The following ERAP1 variants were observed in gnomAD, a reference collection of about 807,000 sequenced individuals.
ERAP1 encodes the protein adipocyte-derived leucine aminopeptidase.
Under a neutral mutation model 103.7 loss-of-function variants are expected in ERAP1, and 86 were observed. The observed-to-expected ratio is 0.83, with a 90% CI of 0.70 to 0.99. ERAP1 has a LOEUF of 0.99. Ranked by LOEUF, ERAP1 falls within the 50% of genes least tolerant of loss-of-function variation. The probability of loss-of-function intolerance (pLI) is 0.00; values close to 1 mark genes in which losing one functional copy is unlikely to be tolerated. For synonymous variants in ERAP1, 398 were observed against 402.4 expected, an observed-to-expected ratio of 0.99 and a Z score of 0.13; for missense variants, 1,009 against 1,128.4, an observed-to-expected ratio of 0.89 and a Z score of 1.52.
At chr5:96,773,062 G>A (rs1773033316), downstream of ERAP1, 1 of 153,824 alleles carries the variant, frequency 6.5e-6, no homozygotes, top group Admixed American at 6.5e-5. Flanking sequence ...ATTCTTCAGT[G>A]TTCTGATTTC....
the ERAP1 span, among the ~76,000 whole-genome samples, chr5:96,862,107 A>G: frequency 1.3e-5 from 2 of 152,130 alleles, 1 homozygote; most frequent in South Asian, 4.1e-4. Flanking sequence ...CAGCCTCCCA[A>G]GAAGTTGGAA....
the ERAP1 span, among the ~76,000 whole-genome samples, chr5:96,854,494 T>C: frequency 6.8e-4 from 104 of 152,232 alleles, 1 homozygote; most frequent in African/African-American, 2.4e-3. Flanking sequence ...TTTATTTTTG[T>C]CTTATTTGTT....
chr5:96,855,402 T>G, the ERAP1 span, among the ~76,000 whole-genome samples: 3 of 152,202 alleles, frequency 2.0e-5, no homozygotes, highest in Non-Finnish European at 4.4e-5. Flanking sequence ...TTGAAACTAC[T>G]TTCACAGGAT....
the ERAP1 span, among the ~76,000 whole-genome samples, chr5:96,874,587 C>T: frequency 2.7e-4 from 41 of 152,368 alleles, no homozygotes; most frequent in African/African-American, 9.6e-4. Context: ...TCCTGTGGTG[C>T]CCCTCTCACT....
the ERAP1 span, among the ~76,000 whole-genome samples, chr5:96,869,682 A>G: frequency 6.6e-6 from 1 of 152,262 alleles, no homozygotes. Context: ...GAATTAGGGA[A>G]GCCTAAACAT....
chr5:96,867,386 T>A, the ERAP1 span, among the ~76,000 whole-genome samples: 1 of 152,266 alleles, frequency 6.6e-6, no homozygotes, highest in East Asian at 1.9e-4. Flanking sequence ...AAAGCAACAA[T>A]AATTATTTAC....
the ERAP1 span, among the ~76,000 whole-genome samples, chr5:96,852,446 A>T: frequency 6.6e-6 from 1 of 152,194 alleles, no homozygotes; most frequent in East Asian, 1.9e-4. Flanking sequence ...AGAAAATTTA[A>T]ATACAATTTT....
At chr5:96,805,106 C>T (rs534835529) in intron 1 of ERAP1, among the ~76,000 whole-genome samples, 1 of 124,982 alleles carries the variant, frequency 8.0e-6, no homozygotes, top group Non-Finnish European at 1.9e-5. Flanking sequence ...GGCCCAAACT[C>T]CTCGTGTTCC....
chr5:96,848,555 A>G, the ERAP1 span: 4 of 152,244 alleles, frequency 2.6e-5, no homozygotes, highest in African/African-American at 4.8e-5. Context: ...ATTCCTAAAA[A>G]CATGTAACCT....
At chr5:96,840,703 T>A in the ERAP1 span, among the ~76,000 whole-genome samples, 2 of 109,036 alleles carry the variant, frequency 1.8e-5, no homozygotes, top group Admixed American at 2.2e-4. Context: ...ACTTTTTTTT[T>A]CTTTTTTTCT....
the ERAP1 span, chr5:96,880,327 C>T: frequency 2.2e-6 from 3 of 1,376,330 alleles, no homozygotes. Flanking sequence ...ATCTCTTTGC[C>T]AGGAGCAGAC....
chr5:96,873,703 C>A, the ERAP1 span: 27 of 326,954 alleles, frequency 8.3e-5, no homozygotes, highest in Non-Finnish European at 1.5e-4. Context: ...AAAACAAAAA[C>A]TAAAACACTG....
the ERAP1 span, among the ~76,000 whole-genome samples, chr5:96,923,581 C>T: frequency 1.3e-5 from 2 of 151,366 alleles, no homozygotes; most frequent in Non-Finnish European, 2.9e-5. Flanking sequence ...GTAGTCCCAG[C>T]TATTTGGGAG....
the ERAP1 span, among the ~76,000 whole-genome samples, chr5:96,926,791 A>G: frequency 6.6e-6 from 1 of 152,068 alleles, no homozygotes; most frequent in Non-Finnish European, 1.5e-5. Flanking sequence ...TAATGCAGCT[A>G]TGAACATTCA....
chr5:96,867,190 A>G, the ERAP1 span, among the ~76,000 whole-genome samples: 1 of 152,034 alleles, frequency 6.6e-6, no homozygotes, highest in East Asian at 1.9e-4. Flanking sequence ...TATTTTTAAT[A>G]GAGACGGGGT....
chr5:96,857,759 C>T, the ERAP1 span, among the ~76,000 whole-genome samples: 3 of 152,212 alleles, frequency 2.0e-5, no homozygotes, highest in Admixed American at 2.0e-4. Flanking sequence ...TAAAGGATCA[C>T]TTCTCATTAA....
At chr5:96,881,313 A>G in the ERAP1 span, 2 of 423,668 alleles carry the variant, frequency 4.7e-6, no homozygotes, top group African/African-American at 4.0e-5. Flanking sequence ...GGGCCAGGCT[A>G]GTGGCAGTGC....
the ERAP1 span, chr5:96,902,432 T>C: frequency 3.7e-6 from 3 of 806,472 alleles, no homozygotes; most frequent in Admixed American, 4.2e-5. Context: ...AACGATACAA[T>C]AAGTAAATCT....
At position 96,790,282 on chromosome 5, in the gene ERAP1, A is replaced by G. The variant is rs759438273; in HGVS notation, c.1524+14T>C. On this transcript the variant is annotated intron_variant, in intron 10 of 18. Transcript: ENST00000443439. ...AATGTGCTTGGGGGAACATGTACAGATATAGAAACTTACTGAGGATGAAGA... is the reference window on the plus strand; with the variant it reads ...AATGTGCTTGGGGGAACATGTACAGGTATAGAAACTTACTGAGGATGAAGA... 6.2e-7 allele frequency: 1 copy of G among 1,612,450 alleles called. No homozygotes were observed. The highest frequency in any genetic ancestry group is 1.7e-5 in the Admixed American group (1 of 60,022).
Sources: allele counts gnomAD v4.1 joint callset (sites outside exome capture counted in the v4.1 genomes callset), GRCh38; gene constraint gnomAD v4.1.1; transcripts MANE v1.5; gene names NCBI Gene and HGNC (gene_info 2026-07-23, HGNC 2026-07-21).